MTRF1: variants seen among roughly 807,000 people sequenced by gnomAD.
MTRF1 encodes the protein mitochondrial translation release factor 1.
Under a neutral mutation model 62.9 loss-of-function variants are expected in MTRF1, and 51 were observed. That is an observed-to-expected ratio of 0.81 (90% CI 0.65 to 1.02). The LOEUF (loss-of-function observed/expected upper bound fraction) is 1.02, where lower values mean the gene tolerates loss of function less well. MTRF1 is among the 50% of genes least tolerant of loss of function. The pLI is 0.00. For missense variants in MTRF1, 446 were observed against 530.0 expected, an observed-to-expected ratio of 0.84 and a Z score of 1.56; for synonymous variants, 158 against 181.9, an observed-to-expected ratio of 0.87 and a Z score of 1.06.
rs2037778778 is a variant in MTRF1, at chr13:41,243,286, G to A, written c.698-2853C>T. On this transcript the variant is annotated intron_variant, in intron 5 of 9. Coordinates refer to ENST00000379480, the MANE Select transcript of MTRF1 (RefSeq NM_004294.4). Reference sequence around the variant, plus strand: ...TAGCCAGGTGTGGTGGCACGTGTCTGTAGTCCCAGCTACTTGGGAGGCTGA... The same window carrying A: ...TAGCCAGGTGTGGTGGCACGTGTCTATAGTCCCAGCTACTTGGGAGGCTGA... Among the ~76,000 whole-genome samples the A allele has an allele frequency of 3.3e-5, 5 of 151,236 alleles. No individual in the cohort carries two copies. The Admixed American group carries it at 3.3e-4, about 10-fold the overall frequency.
the MTRF1 span, among the ~76,000 whole-genome samples, chr13:41,291,099 A>G: frequency 1.3e-5 from 2 of 149,620 alleles, no homozygotes; most frequent in Admixed American, 6.6e-5. Context: ...TCCGTCTCAA[A>G]AAAAAAAAAC....
At chr13:41,230,719 G>A (rs1408171665) in intron 7 of MTRF1, among the ~76,000 whole-genome samples, 2 of 133,612 alleles carry the variant, frequency 1.5e-5, no homozygotes, top group Non-Finnish European at 3.3e-5. Context: ...ACTTCAAGAT[G>A]GTTTCCCTTT....
chr13:41,303,932 A>G, the MTRF1 span, among the ~76,000 whole-genome samples: 2 of 152,208 alleles, frequency 1.3e-5, no homozygotes, highest in South Asian at 2.1e-4. Flanking sequence ...TATATAAATA[A>G]GCATTGTACC....
At chr13:41,310,313 T>C in the MTRF1 span, among the ~76,000 whole-genome samples, 1 of 152,214 alleles carries the variant, frequency 6.6e-6, no homozygotes, top group Admixed American at 6.5e-5. Flanking sequence ...TTATATGGCT[T>C]TCAGGAAGGG....
chr13:41,239,211 G>C (rs1041851724), intron 6 of MTRF1, among the ~76,000 whole-genome samples: 2 of 152,000 alleles, frequency 1.3e-5, no homozygotes, highest in Non-Finnish European at 2.9e-5. Context: ...AGTTCAGCCT[G>C]AGCAACACAG....
At chr13:41,237,026 C>G (rs1339858959) in intron 6 of MTRF1, among the ~76,000 whole-genome samples, 3 of 151,922 alleles carry the variant, frequency 2.0e-5, no homozygotes, top group African/African-American at 7.3e-5. Flanking sequence ...CAAGACCAGC[C>G]TGAGCAACAT....
chr13:41,237,947 A>G (rs985473171), intron 6 of MTRF1, among the ~76,000 whole-genome samples: 2 of 152,224 alleles, frequency 1.3e-5, no homozygotes, highest in African/African-American at 4.8e-5. Context: ...TAAAGTGATT[A>G]TGAAACAAGA....
chr13:41,311,554 A>T, the MTRF1 span: 1 of 1,608,522 alleles, frequency 6.2e-7, no homozygotes, highest in Non-Finnish European at 8.5e-7. Flanking sequence ...CTGCCGCCCA[A>T]GGAGAGCAAC....
the MTRF1 span, among the ~76,000 whole-genome samples, chr13:41,278,464 G>A: frequency 6.6e-6 from 1 of 152,208 alleles, no homozygotes; most frequent in African/African-American, 2.4e-5. Flanking sequence ...TATGTAAACG[G>A]AGAGGATGAA....
upstream of MTRF1, among the ~76,000 whole-genome samples, chr13:41,266,866 G>A (rs1419866225): frequency 6.6e-6 from 1 of 151,834 alleles, no homozygotes; most frequent in Non-Finnish European, 1.5e-5. Flanking sequence ...GTGGTGGCAG[G>A]CGCCTGTAGT....
the MTRF1 span, among the ~76,000 whole-genome samples, chr13:41,295,114 T>G: frequency 6.6e-6 from 1 of 152,228 alleles, no homozygotes; most frequent in African/African-American, 2.4e-5. Context: ...AAGGTACATC[T>G]TTTTGCTTGG....
At chr13:41,244,736 G>C (rs2038011857) in intron 5 of MTRF1, among the ~76,000 whole-genome samples, 1 of 152,140 alleles carries the variant, frequency 6.6e-6, no homozygotes, top group African/African-American at 2.4e-5. Context: ...GCTGGTATCT[G>C]CTTACAACTA....
the MTRF1 span, chr13:41,311,181 C>A: frequency 1.4e-5 from 6 of 430,504 alleles, no homozygotes; most frequent in Non-Finnish European, 2.1e-5. Context: ...GCTACGCCCC[C>A]GTAGTCACCC....
Position 41,240,337 on chromosome 13 carries a change from T to A in MTRF1, c.794A>T (p.Glu265Val). Residue 265 changes from glutamate (E) to valine (V), a missense_variant, in exon 6 of 10, where the codon GAG becomes GTG. Coordinates refer to ENST00000379480, the MANE Select transcript of MTRF1 (RefSeq NM_004294.4). Reference sequence around the variant, plus strand: ...CTGCATCCTTGAGGACAGGCCCACCTCGGGGATGCGCTGAACTCGGTGAAT... The same window carrying A: ...CTGCATCCTTGAGGACAGGCCCACCACGGGGATGCGCTGAACTCGGTGAAT... ...GGIHRVQRIPEVGLSSRMQRI... is the reference protein window; with the variant it reads ...GGIHRVQRIPVVGLSSRMQRI... 6 of 1,614,002 alleles carry A rather than the reference T, an allele frequency of 3.7e-6. No homozygotes were observed. Among genetic ancestry groups the A allele is most frequent in the Non-Finnish European group, 4.2e-6 (5 of 1,179,952 alleles).
the MTRF1 span, among the ~76,000 whole-genome samples, chr13:41,299,020 A>G: frequency 6.6e-6 from 1 of 152,160 alleles, no homozygotes; most frequent in African/African-American, 2.4e-5. Flanking sequence ...TTTCTACTAA[A>G]AAATACAAAA....
chr13:41,230,716 G>C (rs145105901), intron 7 of MTRF1, among the ~76,000 whole-genome samples: 1 of 139,726 alleles, frequency 7.2e-6, no homozygotes, highest in Non-Finnish European at 1.6e-5. Flanking sequence ...CTGACTTCAA[G>C]ATGGTTTCCC....
the MTRF1 span, among the ~76,000 whole-genome samples, chr13:41,303,860 C>T: frequency 4.6e-5 from 7 of 152,252 alleles, no homozygotes; most frequent in Admixed American, 3.9e-4. Flanking sequence ...ATTAAGAAAA[C>T]TAATTGTTTA....
At chr13:41,297,695 C>G in the MTRF1 span, among the ~76,000 whole-genome samples, 1 of 151,956 alleles carries the variant, frequency 6.6e-6, no homozygotes, top group Non-Finnish European at 1.5e-5. Flanking sequence ...CCTGCCTCAG[C>G]GTCCCGAGTG....
At chr13:41,241,276 C>A (rs914030768) in intron 5 of MTRF1, among the ~76,000 whole-genome samples, 1 of 152,182 alleles carries the variant, frequency 6.6e-6, no homozygotes, top group Non-Finnish European at 1.5e-5. Flanking sequence ...GAACTCCTGA[C>A]CTCATGATCT....
Sources: gnomAD v4.1 joint callset for allele counts (sites outside exome capture counted in the v4.1 genomes callset) on GRCh38, gnomAD v4.1.1 for gene constraint, MANE v1.5 for transcripts, NCBI Gene and HGNC (gene_info 2026-07-23, HGNC 2026-07-21) for gene names.